The following MSH6 variants were observed in gnomAD, a reference collection of about 807,000 sequenced individuals.
The protein encoded by MSH6 is mutS homolog 6, also known as DNA mismatch repair protein Msh6.
MSH6 carries 85 observed loss-of-function variants against 119.1 expected under a neutral mutation model. That is an observed-to-expected ratio of 0.71 (90% CI 0.60 to 0.85). The LOEUF (loss-of-function observed/expected upper bound fraction) is 0.85, where lower values mean the gene tolerates loss of function less well. Among genes scored for constraint, MSH6 ranks in the 40% least tolerant of loss-of-function variants. The pLI, the probability that MSH6 is intolerant of heterozygous loss-of-function variation, is 0.00. For missense variants in MSH6, 2,163 were observed against 1,655.3 expected, an observed-to-expected ratio of 1.31 and a Z score of -5.32; for synonymous variants, 830 against 586.9, an observed-to-expected ratio of 1.41 and a Z score of -5.99.
Position 47,800,998 on chromosome 2 carries a change from A to G in MSH6, c.3015A>G (p.Arg1005=), listed in dbSNP as rs990650403. ...AATCTACCAAGAAGGGCTGTAAACG[A>G]TACTGGACCAAAACTATTGAAAAGA... The part of the protein sequence containing the change: ...ELKSTKKGCK[R]YWTKTIEKKL... The change falls in exon 4 of 10, where the codon CGA becomes CGG. Residue 1005 remains arginine, a synonymous_variant. Transcript: ENST00000234420. 4.5e-6 allele frequency: 7 copies of G among 1,566,482 alleles called. No homozygotes were observed. Among genetic ancestry groups the G allele is most frequent in the Admixed American group, 1.9e-5 (1 of 52,734 alleles).
chr2:47,794,155 AC>A (rs1201144986), intron 2 of MSH6, among the ~76,000 whole-genome samples: 1 of 151,546 alleles, frequency 6.6e-6, no homozygotes, highest in Non-Finnish European at 1.5e-5. Flanking sequence ...AGCCTGGCCA[AC>A]ATGGTGAAAC....
chr2:47,808,502 A>T, downstream of MSH6: 5 of 1,312,532 alleles, frequency 3.8e-6, no homozygotes, highest in Non-Finnish European at 4.1e-6. Context: ...TTTATATATT[A>T]CTATGACCTT....
At chr2:47,809,996 C>A, downstream of MSH6, 1 of 485,074 alleles carries the variant, frequency 2.1e-6, no homozygotes. Flanking sequence ...TTTTCTGTTG[C>A]AGATTTAAAC....
At chr2:47,809,393 A>G, downstream of MSH6, 1 of 693,496 alleles carries the variant, frequency 1.4e-6, no homozygotes, top group Non-Finnish European at 2.4e-6. Flanking sequence ...TAACCAATGA[A>G]GTAATTGTAA....
At position 47,800,941 on chromosome 2, in the gene MSH6, C is replaced by T. The variant is rs757866392; in HGVS notation, c.2958C>T (p.Thr986=). ...AGCTGGAAATTCCTGAGAATTTCACCACTCGCAATTTGCCAGAAGAATACG... is the reference window on the plus strand; with the variant it reads ...AGCTGGAAATTCCTGAGAATTTCACTACTCGCAATTTGCCAGAAGAATACG... ...RYQLEIPENF[T]TRNLPEEYEL... The change falls in exon 4 of 10, where the codon ACC becomes ACT. Residue 986 remains threonine, a synonymous_variant. Transcript: ENST00000234420. The T allele has an allele frequency of 7.7e-5, 122 of 1,574,222 alleles. No individual in the cohort carries two copies. The highest frequency in any genetic ancestry group is 1.0e-4 in the Non-Finnish European group (118 of 1,161,736).
intron 1 of MSH6, chr2:47,784,122 G>C (rs777237892): frequency 2.9e-4 from 293 of 1,006,006 alleles, no homozygotes; most frequent in Non-Finnish European, 3.4e-4. Flanking sequence ...GGCCGCCGAG[G>C]GGGTGGGCCA....
downstream of MSH6, chr2:47,808,011 A>C (rs1279478452): frequency 2.7e-5 from 28 of 1,020,306 alleles, no homozygotes; most frequent in Non-Finnish European, 3.7e-5. Context: ...ATCCATTTTT[A>C]ATACAGTCTC....
chr2:47,805,200 G>C (rs559342116), intron 6 of MSH6, among the ~76,000 whole-genome samples, 173 bp downstream of exon 6: 3 of 144,622 alleles, frequency 2.1e-5, no homozygotes, highest in South Asian at 4.3e-4. Flanking sequence ...TTTTTTTTGA[G>C]ATGGAGTTTC....
intron 1 of MSH6, among the ~76,000 whole-genome samples, chr2:47,789,000 A>G (rs1298707365): frequency 7.9e-6 from 1 of 126,316 alleles, no homozygotes; most frequent in Non-Finnish European, 1.6e-5. Context: ...TTCTTGGCTC[A>G]CTGCAACCTC....
chr2:47,809,505 GGA>G, downstream of MSH6: 1 of 901,868 alleles, frequency 1.1e-6, no homozygotes, highest in East Asian at 2.5e-5. Flanking sequence ...TTGCTAACTT[GGA>G]GAGTGACATA....
rs2104336849 is a variant in MSH6 at position 47,799,314 on chromosome 2, T to G, written c.1331T>G (p.Val444Gly). 6.2e-7 allele frequency: 1 copy of G among 1,613,898 alleles called. No homozygotes were observed. The highest frequency in any genetic ancestry group is 8.5e-7 in the Non-Finnish European group (1 of 1,180,012). Reference protein sequence around the residue: ...ELYHMDALIGVSELGLVFMKG... With the variant: ...ELYHMDALIGGSELGLVFMKG... ...TACCACATGGATGCTCTTATTGGAG[T>G]CAGTGAACTGGGGCTGGTATTCATG... The change falls in exon 4 of 10, where the codon GTC becomes GGC. Residue 444 changes from valine (V) to glycine (G), a missense_variant. By Grantham distance (109) the Val-to-Gly change is moderately radical (BLOSUM62 -3). Transcript: ENST00000234420.
chr2:47,787,702 G>T (rs914205713), intron 1 of MSH6, among the ~76,000 whole-genome samples: 1 of 150,628 alleles, frequency 6.6e-6, no homozygotes, highest in South Asian at 2.1e-4. Flanking sequence ...CTGCACCCTC[G>T]ACCTATTCGG....
At position 47,783,199 on chromosome 2, in the gene MSH6, T is replaced by A. The variant is rs1455514563; in HGVS notation, c.-35T>A. Reference sequence around the variant, plus strand: ...AGATGCGGTGCTTTTAGGAGCTCCGTCCGACAGAACGGTTGGGCCTTGCCG... The same window carrying A: ...AGATGCGGTGCTTTTAGGAGCTCCGACCGACAGAACGGTTGGGCCTTGCCG... On this transcript the variant is annotated 5_prime_UTR_variant, in exon 1 of 10. Transcript: ENST00000234420. The A allele has an allele frequency of 6.2e-7, 1 of 1,609,386 alleles. No individual in the cohort carries two copies. Among genetic ancestry groups the A allele is most frequent in the Non-Finnish European group, 8.5e-7 (1 of 1,178,792 alleles).
chr2:47,791,523 C>T (rs1453441874), intron 2 of MSH6, among the ~76,000 whole-genome samples: 1 of 152,144 alleles, frequency 6.6e-6, no homozygotes, highest in Non-Finnish European at 1.5e-5. Context: ...CTAATGAACA[C>T]ATCTGAGTTG....
chr2:47,791,221 TAA>T, intron 2 of MSH6, 98 bp downstream of exon 2: 1 of 1,196,756 alleles, frequency 8.4e-7, no homozygotes, highest in Non-Finnish European at 1.2e-6. Flanking sequence ...ATGATGAAAT[TAA>T]GTGTATTTTA....
chr2:47,785,361 G>A (rs1668288795), intron 1 of MSH6, among the ~76,000 whole-genome samples: 1 of 152,004 alleles, frequency 6.6e-6, no homozygotes, highest in Non-Finnish European at 1.5e-5. Flanking sequence ...CCGAGTAGCT[G>A]GGATTACGGG....
intron 1 of MSH6, among the ~76,000 whole-genome samples, chr2:47,788,011 G>A (rs905809188): frequency 2.0e-5 from 3 of 152,156 alleles, no homozygotes; most frequent in Admixed American, 6.6e-5. Flanking sequence ...TTTGTTAGCA[G>A]TGAGTGAAGA....
In MSH6 at chr2:47,799,181, G is replaced by C. The variant is rs1396658541; in HGVS notation, c.1198G>C (p.Glu400Gln). 6.2e-7 allele frequency: 1 copy of C among 1,614,184 alleles called. No individual in the cohort carries two copies. The highest frequency in any genetic ancestry group is 8.5e-7 in the Non-Finnish European group (1 of 1,180,034). ...TGATGCATCTACACTCTATGTGCCT[G>C]AGGATTTCCTCAATTCTTGTACTCC... ...DFDASTLYVPEDFLNSCTPGM... is the reference protein window; with the variant it reads ...DFDASTLYVPQDFLNSCTPGM... Residue 400 changes from glutamate to glutamine, a missense_variant, in exon 4 of 10, where the codon GAG (glutamate) becomes CAG (glutamine). By Grantham distance (29) the Glu-to-Gln change is conservative. Transcript: ENST00000234420.
chr2:47,796,368 G>C (rs1279701574), intron 3 of MSH6, among the ~76,000 whole-genome samples: 1 of 151,934 alleles, frequency 6.6e-6, no homozygotes, highest in Non-Finnish European at 1.5e-5. Flanking sequence ...ATATATATGA[G>C]GGTATAGTCA....
Sources: gnomAD v4.1 joint callset for allele counts (sites outside exome capture counted in the v4.1 genomes callset) on GRCh38, gnomAD v4.1.1 for gene constraint, MANE v1.5 for transcripts, NCBI Gene and HGNC (gene_info 2026-07-23, HGNC 2026-07-21) for gene names.